The following ADGRV1 variants were observed in gnomAD, a reference collection of about 807,000 sequenced individuals.
ADGRV1 encodes the protein G-protein coupled receptor 98.
A neutral mutation model predicts 596.2 loss-of-function variants in ADGRV1; 359 were observed. The observed-to-expected ratio is 0.60, with a 90% CI of 0.55 to 0.66. The LOEUF is 0.66. Among genes scored for constraint, ADGRV1 ranks in the 30% least tolerant of loss-of-function variants. The pLI is 0.00. For missense variants in ADGRV1, 7,274 were observed against 7,575.6 expected (o/e 0.96, Z 1.48); for synonymous variants, 2,681 against 2,679.2 (o/e 1.00, Z -0.02).
chr5:90,658,202 C>T lies in ADGRV1; in HGVS notation c.4676C>T (p.Thr1559Ile). 6.3e-7 allele frequency: 1 copy of T among 1,577,238 alleles called. No individual in the cohort carries two copies. The change falls in exon 21 of 90, where the codon ACT (threonine) becomes ATT (isoleucine). Residue 1559 changes from threonine (T) to isoleucine (I), a missense_variant. Around this residue, in one of 5 missense-constraint regions of ADGRV1, gnomAD observed 3,643 missense variants for 3,809.2 expected, o/e 0.96. Transcript: ENST00000405460. ...GGAGCTCGTATTTCGGAAGAAAATA[C>T]TACTGCAAGATTAACAATACAAAAA... ...YGGARISEEN[T>I]TARLTIQKSD...
rs567794526 is a variant in ADGRV1, at chr5:90,849,499, C to G, written c.17204+678C>G. ...CCGCCTCCTAGGCTTGGGTGATTCT[C>G]TCACCTCAACCTCCCTAATAGCTGG... On this transcript the variant is annotated intron_variant, in intron 79 of 89. Transcript: ENST00000405460. Among the ~76,000 whole-genome samples the G allele has an allele frequency of 8.5e-5, 13 of 152,262 alleles. No homozygotes were observed. In the East Asian group the frequency reaches 2.5e-3, roughly 29 times the overall value.
chr5:90,979,295 G>A (rs1220735806), intron 84 of ADGRV1, among the ~76,000 whole-genome samples: 1 of 151,896 alleles, frequency 6.6e-6, no homozygotes, highest in African/African-American at 2.4e-5. Flanking sequence ...ATCCTCCTGA[G>A]TAGCTGGGAC....
intron 70 of ADGRV1, among the ~76,000 whole-genome samples, chr5:90,801,257 A>G (rs1440696172): frequency 1.3e-5 from 2 of 152,090 alleles, no homozygotes; most frequent in Non-Finnish European, 2.9e-5. Flanking sequence ...AATCTGCTCT[A>G]ACTCATGTTC....
At chr5:90,711,437 T>C in intron 41 of ADGRV1, 115 bp downstream of exon 41, 1 of 747,298 alleles carries the variant, frequency 1.3e-6, no homozygotes, top group Non-Finnish European at 2.0e-6. Flanking sequence ...AAAACCATTG[T>C]ATTTTTCACA....
chr5:91,150,995 G>A (rs1348161218), intron 88 of ADGRV1, among the ~76,000 whole-genome samples: 3 of 152,174 alleles, frequency 2.0e-5, no homozygotes, highest in Non-Finnish European at 4.4e-5. Context: ...TGTCCAAGAT[G>A]TGCTTGGTTA....
chr5:90,758,075 G>A (rs1756028142), intron 57 of ADGRV1, among the ~76,000 whole-genome samples: 1 of 152,150 alleles, frequency 6.6e-6, no homozygotes, highest in African/African-American at 2.4e-5. Flanking sequence ...AGAGTGGAAT[G>A]CAATCCCAGC....
At chr5:90,602,869 G>GT (rs1306631814) in intron 1 of ADGRV1, among the ~76,000 whole-genome samples, 13 of 152,206 alleles carry the variant, frequency 8.5e-5, no homozygotes, top group African/African-American at 3.1e-4. Flanking sequence ...GATTTGTGGT[G>GT]TTTAAGCCTG....
chr5:90,597,715 G>A (rs1214899491), intron 1 of ADGRV1, among the ~76,000 whole-genome samples: 1 of 151,948 alleles, frequency 6.6e-6, no homozygotes, highest in Non-Finnish European at 1.5e-5. Context: ...GAGGAGCAAA[G>A]GAGAGAGAGA....
Position 90,789,859 on chromosome 5 carries a change from T to G in ADGRV1, c.14043+8T>G, listed in dbSNP as rs727503083. 7.4e-6 allele frequency: 10 copies of G among 1,346,090 alleles called. No individual in the cohort carries two copies. Among genetic ancestry groups the G allele is most frequent in the Non-Finnish European group, 9.7e-6 (10 of 1,035,954 alleles). The allele number at this position is 1,346,090 out of a possible 1,614,324, so 83.4% of individuals were successfully genotyped here. A position where few individuals can be genotyped will look rare whatever the true frequency, so the allele number is the denominator to read the frequency against. On this transcript the variant is annotated splice_region_variant and intron_variant, in intron 69 of 89. Coordinates refer to ENST00000405460, the MANE Select transcript of ADGRV1 (RefSeq NM_032119.4). ...ACCTTTGGAGAGATTATGGTATTAC[T>G]TTTCATTTGATTTTTCAAAGTACCA...
intron 31 of ADGRV1, among the ~76,000 whole-genome samples, chr5:90,692,279 T>C (rs1008128803): frequency 1.3e-5 from 2 of 152,168 alleles, no homozygotes; most frequent in Non-Finnish European, 1.5e-5. Context: ...AAAAAAGTTA[T>C]AGGACGTAAA....
At chr5:90,765,092 C>A (rs1219434249) in intron 59 of ADGRV1, among the ~76,000 whole-genome samples, 1 of 152,150 alleles carries the variant, frequency 6.6e-6, no homozygotes, top group Non-Finnish European at 1.5e-5. Flanking sequence ...CTTTTCTACA[C>A]CCTGCTTCTT....
chr5:90,923,826 T>G (rs1009516042), intron 83 of ADGRV1, among the ~76,000 whole-genome samples: 2 of 136,700 alleles, frequency 1.5e-5, no homozygotes, highest in African/African-American at 5.4e-5. Flanking sequence ...TTCCCCTTCC[T>G]GTGTCCATGT....
At chr5:90,616,916 A>G (rs896375259) in intron 2 of ADGRV1, among the ~76,000 whole-genome samples, 2 of 152,170 alleles carry the variant, frequency 1.3e-5, no homozygotes, top group African/African-American at 4.8e-5. Context: ...GCCTCTGGTA[A>G]CCACCATTCT....
At chr5:90,623,324 A>T (rs984545270) in intron 5 of ADGRV1, among the ~76,000 whole-genome samples, 1 of 152,324 alleles carries the variant, frequency 6.6e-6, no homozygotes, top group African/African-American at 2.4e-5. Context: ...TTTATGATAA[A>T]TGTTTTCAAA....
At chr5:90,984,627 C>G (rs575430153) in intron 84 of ADGRV1, among the ~76,000 whole-genome samples, 227 of 152,260 alleles carry the variant, frequency 1.5e-3, no homozygotes, top group African/African-American at 5.2e-3. Flanking sequence ...TATTTGGAAA[C>G]TAAGGTTCAA....
intron 50 of ADGRV1, among the ~76,000 whole-genome samples, chr5:90,736,981 G>T (rs1753317379): frequency 6.7e-6 from 1 of 148,488 alleles, no homozygotes; most frequent in African/African-American, 2.5e-5. Flanking sequence ...TTTGTTATTT[G>T]CTTCCTTCTG....
intron 88 of ADGRV1, among the ~76,000 whole-genome samples, chr5:91,151,481 T>C (rs1796052720): frequency 6.6e-6 from 1 of 152,212 alleles, no homozygotes; most frequent in Non-Finnish European, 1.5e-5. Context: ...TTTAGTATCC[T>C]TAATTTTTTG....
At chr5:90,650,645 A>G (rs1308395582) in intron 17 of ADGRV1, among the ~76,000 whole-genome samples, 1 of 152,204 alleles carries the variant, frequency 6.6e-6, no homozygotes, top group East Asian at 1.9e-4. Flanking sequence ...CTGAGCATCT[A>G]TTTTTCTAGG....
chr5:90,820,466 T>C (rs1483344972), intron 75 of ADGRV1, among the ~76,000 whole-genome samples: 1 of 151,944 alleles, frequency 6.6e-6, no homozygotes, highest in African/African-American at 2.4e-5. Context: ...ATTATGATGT[T>C]AGGGGTGATT....
Sources: allele counts gnomAD v4.1 joint callset (sites outside exome capture counted in the v4.1 genomes callset), GRCh38; gene constraint gnomAD v4.1.1; regional missense constraint gnomAD v4.1.1; transcripts MANE v1.5; gene names NCBI Gene and HGNC (gene_info 2026-07-23, HGNC 2026-07-21).